Variants in HEATR5B observed in about 807,000 individuals in gnomAD.
HEATR5B encodes the protein HEAT repeat containing 5B, also known as HEAT repeat-containing protein 5B.
A neutral mutation model predicts 224.1 loss-of-function variants in HEATR5B; 156 were observed. That is an observed-to-expected ratio of 0.70 (90% confidence interval 0.61 to 0.80). The LOEUF is 0.80. Among genes scored for constraint, HEATR5B ranks in the 30% least tolerant of loss-of-function variants. HEATR5B has a pLI of 0.00. For synonymous variants in HEATR5B, 1,027 were observed against 893.0 expected, an observed-to-expected ratio of 1.15 and a Z score of -2.68; for missense variants, 2,323 against 2,535.5, an observed-to-expected ratio of 0.92 and a Z score of 1.80.
chr2:37,041,384 G>C, intron 18 of HEATR5B, 92 bp from the exon 19 acceptor site: 1 of 1,168,704 alleles, frequency 8.6e-7, no homozygotes, highest in Non-Finnish European at 1.2e-6. Context: ...GGATTTATTG[G>C]GGAAATAAGA....
At chr2:37,036,877 G>A (rs1156514672) in intron 21 of HEATR5B, among the ~76,000 whole-genome samples, 1 of 151,728 alleles carries the variant, frequency 6.6e-6, no homozygotes, top group Non-Finnish European at 1.5e-5. Context: ...TCCTGCTAAC[G>A]CTCTCTTCCA....
Position 37,065,903 on chromosome 2 carries a change from T to C in HEATR5B, c.1185A>G (p.Val395=), listed in dbSNP as rs751612530. 1 of 1,605,404 alleles carries C rather than the reference T, an allele frequency of 6.2e-7. No individual in the cohort carries two copies. Among genetic ancestry groups the C allele is most frequent in the Non-Finnish European group, 8.5e-7 (1 of 1,173,330 alleles). ...IGKQMKAVEA[V]VNDTSGENKS... is the part of the protein sequence containing the mutation. ...TGTTTTCTCCACTTGTGTCATTCAC[T>C]ACTGCTTCTGGAAACACAAAATCAT... The change falls in exon 9 of 36, where the codon GTA becomes GTG. Residue 395 remains valine (V), a synonymous_variant. Coordinates refer to ENST00000233099, the MANE Select transcript of HEATR5B (RefSeq NM_019024.3).
Position 37,009,256 on chromosome 2 carries a change from CAAAAAAAAA to C in HEATR5B, c.4285-417_4285-409del, listed in dbSNP as rs57022846. Among the ~76,000 whole-genome samples the C allele has an allele frequency of 1.1e-4, 7 of 65,670 alleles. No individual in the cohort carries two copies. In the South Asian group the frequency reaches 1.5e-3, roughly 14 times the overall value. 43.1% of individuals were successfully genotyped at this position (65,670 alleles called of 152,430 possible). A position where few individuals can be genotyped will look rare whatever the true frequency, so the allele number is the denominator to read the frequency against. On this transcript the variant is annotated intron_variant, in intron 27 of 35. Coordinates refer to ENST00000233099, the MANE Select transcript of HEATR5B (RefSeq NM_019024.3). ...CTGGTGACAAAGTGAGACTCTGTCT[CAAAAAAAAA>C]AAAAAAAAAAAAAAAGAAGAAAGTA...
At chr2:36,999,139 G>A (rs1272959391) in intron 33 of HEATR5B, among the ~76,000 whole-genome samples, 1 of 151,908 alleles carries the variant, frequency 6.6e-6, no homozygotes, top group Non-Finnish European at 1.5e-5. Flanking sequence ...CTTGAACTGG[G>A]ACCTGGGAGG....
At chr2:37,043,993 T>C (rs1190920732) in intron 18 of HEATR5B, among the ~76,000 whole-genome samples, 1 of 152,318 alleles carries the variant, frequency 6.6e-6, no homozygotes, top group East Asian at 1.9e-4. Flanking sequence ...CCTCCTGCCT[T>C]GAAATCAATT....
rs200445943 is a variant in HEATR5B at position 37,070,210 on chromosome 2, C to T, written c.927+20G>A. On this transcript the variant is annotated intron_variant, in intron 7 of 35. Coordinates refer to ENST00000233099, the MANE Select transcript of HEATR5B (RefSeq NM_019024.3). ...CCACCGTGCCTGGCCAAAATTCTTT[C>T]ACACATACGTGTTACAAACCTGCGT... The T allele has an allele frequency of 1.2e-4, 188 of 1,612,314 alleles. No individual in the cohort carries two copies. The highest frequency in any genetic ancestry group is 1.5e-4 in the Non-Finnish European group (177 of 1,178,708).
intron 2 of HEATR5B, among the ~76,000 whole-genome samples, chr2:37,082,242 G>A (rs12465097): frequency 0.037 from 5,642 of 150,818 alleles, 118 homozygotes; most frequent in African/African-American, 0.058. Context: ...GCTAATTTTC[G>A]TACTTTTAGC....
intron 32 of HEATR5B, 41 bp downstream of exon 32, chr2:37,002,265 C>A: frequency 6.2e-7 from 1 of 1,604,614 alleles, no homozygotes; most frequent in Non-Finnish European, 8.5e-7. Flanking sequence ...TCTTTGTCTA[C>A]TGTAATATAA....
intron 35 of HEATR5B, among the ~76,000 whole-genome samples, chr2:36,984,443 C>G (rs1038380300): frequency 5.3e-5 from 8 of 151,180 alleles, no homozygotes; most frequent in African/African-American, 1.9e-4. Context: ...AAGAGAATCA[C>G]AAAACTGAGG....
At chr2:37,059,017 GGAGTAGCTTTTGT>G in intron 12 of HEATR5B, 30 bp from the exon 13 acceptor site, 2 of 1,381,970 alleles carry the variant, frequency 1.4e-6, no homozygotes, top group Non-Finnish European at 2.0e-6. Flanking sequence ...GGACAGATTT[GGAGTAGCTTTTGT>G]GAACATGAAT....
chr2:37,028,263 TA>T (rs1558751023), intron 23 of HEATR5B, 89 bp from the exon 24 acceptor site: 2 of 795,134 alleles, frequency 2.5e-6, no homozygotes, highest in Non-Finnish European at 1.8e-6. Flanking sequence ...TTTTTTAATT[TA>T]AAAAAAGACT....
rs929220971 is a variant in HEATR5B, at chr2:36,982,466, A to AT, written c.5912-673dup. ...TGGGATATAAGTTTCATTAAAGGTG[A>AT]TTTTTTTTAACAATTAACCTTTATA... On this transcript the variant is annotated intron_variant, in intron 35 of 35. Coordinates refer to ENST00000233099, the MANE Select transcript of HEATR5B (RefSeq NM_019024.3). 7.2e-5 allele frequency among the ~76,000 whole-genome samples: 11 copies of AT among 152,076 alleles called. No homozygotes were observed. The East Asian group carries it at 1.7e-3, about 24-fold the overall frequency.
intron 18 of HEATR5B, among the ~76,000 whole-genome samples, chr2:37,047,265 G>A (rs1427917399): frequency 6.6e-6 from 1 of 151,888 alleles, no homozygotes; most frequent in African/African-American, 2.4e-5. Context: ...TTATATCCTT[G>A]GATAAGTAAT....
At chr2:37,065,018 T>A in intron 9 of HEATR5B, 28 bp from the exon 10 acceptor site, 1 of 1,603,130 alleles carries the variant, frequency 6.2e-7, no homozygotes, top group Non-Finnish European at 8.5e-7. Context: ...AAAATATTAC[T>A]CTTTAATGAA....
At chr2:36,997,255 G>A (rs1437316420) in intron 33 of HEATR5B, among the ~76,000 whole-genome samples, 1 of 152,014 alleles carries the variant, frequency 6.6e-6, no homozygotes, top group Non-Finnish European at 1.5e-5. Flanking sequence ...CACCATCATG[G>A]CTCACTGCAG....
intron 17 of HEATR5B, among the ~76,000 whole-genome samples, chr2:37,051,790 A>C (rs1288622194): frequency 6.6e-6 from 1 of 151,464 alleles, no homozygotes; most frequent in African/African-American, 2.4e-5. Flanking sequence ...CCCAGGCTGG[A>C]GTGCAATGGC....
chr2:37,049,418 C>T (rs1670397730), intron 18 of HEATR5B, among the ~76,000 whole-genome samples: 2 of 152,138 alleles, frequency 1.3e-5, no homozygotes, highest in African/African-American at 4.8e-5. Flanking sequence ...CATTAAGCAA[C>T]ATTCAAGAGC....
At chr2:37,049,629 T>C (rs1431626161) in intron 18 of HEATR5B, 24 bp downstream of exon 18, 16 of 1,595,356 alleles carry the variant, frequency 1.0e-5, no homozygotes, top group Non-Finnish European at 1.4e-5. Context: ...CACATGAAAC[T>C]TGTTAGTAAA....
intron 21 of HEATR5B, among the ~76,000 whole-genome samples, chr2:37,034,258 A>G (rs976732476): frequency 4.7e-5 from 7 of 149,712 alleles, no homozygotes; most frequent in African/African-American, 1.7e-4. Context: ...CGCCCACCTC[A>G]GCCTCCCAAA....
Sources: allele counts gnomAD v4.1 joint callset (sites outside exome capture counted in the v4.1 genomes callset), GRCh38; gene constraint gnomAD v4.1.1; transcripts MANE v1.5; gene names NCBI Gene and HGNC (gene_info 2026-07-23, HGNC 2026-07-21).